Variants in RBFOX1 observed in about 807,000 individuals in gnomAD.
RBFOX1 encodes RNA binding fox-1 homolog 1.
Under a neutral mutation model 57.7 loss-of-function variants are expected in RBFOX1, and 8 were observed. The observed-to-expected ratio is 0.14, with a 90% CI of 0.08 to 0.25. The LOEUF (loss-of-function observed/expected upper bound fraction) is 0.25. Ranked by LOEUF, RBFOX1 falls within the 10% of genes least tolerant of loss-of-function variation. The pLI is 1.00. For missense variants in RBFOX1, 611 were observed against 548.5 expected, an observed-to-expected ratio of 1.11 and a Z score of -1.14; for synonymous variants, 326 against 222.4, an observed-to-expected ratio of 1.47 and a Z score of -4.15.
intron 4 of RBFOX1, among the ~76,000 whole-genome samples, chr16:7,488,946 ACTAT>A (rs1410217394): frequency 2.0e-5 from 3 of 152,164 alleles, no homozygotes; most frequent in African/African-American, 7.2e-5. Flanking sequence ...TCACATGTCC[ACTAT>A]CTATGTATAC....
chr16:5,902,386 G>C (rs1011882135), intron 4 of RBFOX1, among the ~76,000 whole-genome samples: 1 of 152,080 alleles, frequency 6.6e-6, no homozygotes, highest in Non-Finnish European at 1.5e-5. Flanking sequence ...TCTTTGAAGA[G>C]ATGTTCCTTA....
intron 3 of RBFOX1, among the ~76,000 whole-genome samples, chr16:5,629,164 G>C (rs2048430230): frequency 6.6e-6 from 1 of 152,162 alleles, no homozygotes; most frequent in South Asian, 2.1e-4. Flanking sequence ...AGAGTACAGG[G>C]CTGGATAAGC....
chr16:5,363,741 C>A (rs986426605), intron 1 of RBFOX1, among the ~76,000 whole-genome samples: 1 of 152,172 alleles, frequency 6.6e-6, no homozygotes, highest in African/African-American at 2.4e-5. Context: ...GGGTTGGGGA[C>A]TACGTGTCTG....
At chr16:6,681,016 A>G (rs1171666673) in intron 3 of RBFOX1, among the ~76,000 whole-genome samples, 1 of 152,240 alleles carries the variant, frequency 6.6e-6, no homozygotes, top group African/African-American at 2.4e-5. Flanking sequence ...CAAAGTAAGT[A>G]GAAATCTGTT....
chr16:6,299,297 C>T (rs2078513718), intron 1 of RBFOX1, among the ~76,000 whole-genome samples: 2 of 152,150 alleles, frequency 1.3e-5, no homozygotes, highest in South Asian at 2.1e-4. Context: ...ATGTGATAAC[C>T]ATGTTATTTA....
chr16:7,416,606 G>C (rs1475527897), intron 4 of RBFOX1, among the ~76,000 whole-genome samples: 1 of 152,168 alleles, frequency 6.6e-6, no homozygotes, highest in East Asian at 1.9e-4. Context: ...TTCATGGATA[G>C]TGCATATAGA....
At position 5,810,167 on chromosome 16, in the gene RBFOX1, G is replaced by A. The variant is rs139579943; in HGVS notation, c.319-57136G>A. 6.2e-3 allele frequency among the ~76,000 whole-genome samples: 886 copies of A among 143,602 alleles called. 10 individuals carry two copies. Among genetic ancestry groups the A allele is most frequent in the African/African-American group, 0.021 (813 of 39,570 alleles). 94.2% of individuals were successfully genotyped at this position (143,602 alleles called of 152,430 possible). On this transcript the variant is annotated intron_variant, in intron 3 of 19. Coordinates refer to the RBFOX1 transcript ENST00000641259. ...AGGAAGGGGAACATCACACTCTGGG[G>A]ACTGTTATAGGGTTGGGGGAGGAGG...
intron 2 of RBFOX1, among the ~76,000 whole-genome samples, chr16:6,318,345 G>T (rs995505898): frequency 6.6e-6 from 1 of 152,104 alleles, no homozygotes; most frequent in African/African-American, 2.4e-5. Flanking sequence ...TTGAAAACTG[G>T]GAGGTTTTGT....
intron 4 of RBFOX1, among the ~76,000 whole-genome samples, chr16:7,416,658 C>A (rs2098480790): frequency 6.6e-6 from 1 of 152,140 alleles, no homozygotes; most frequent in Admixed American, 6.5e-5. Flanking sequence ...CAGAGGACCC[C>A]AGTGGCAATG....
At chr16:7,631,033 A>G (rs2060864986) in intron 11 of RBFOX1, among the ~76,000 whole-genome samples, 1 of 152,206 alleles carries the variant, frequency 6.6e-6, no homozygotes, top group African/African-American at 2.4e-5. Flanking sequence ...GCCACCCCAA[A>G]GGCACCCTTG....
intron 4 of RBFOX1, among the ~76,000 whole-genome samples, chr16:7,479,200 T>C (rs145872497): frequency 0.019 from 2,915 of 150,836 alleles, 89 homozygotes; most frequent in African/African-American, 0.068. Flanking sequence ...CTCGGCTCAG[T>C]GCAACTTCTG....
rs1346043933 is a variant in RBFOX1 at position 5,946,311 on chromosome 16, C to G, written c.351+78976C>G. ...ACCTCCCTCATAGGGTTATTTGAGGCTCAGACTAAATGGATGTGAGTGTGT... is the reference window on the plus strand; with the variant it reads ...ACCTCCCTCATAGGGTTATTTGAGGGTCAGACTAAATGGATGTGAGTGTGT... On this transcript the variant is annotated intron_variant, in intron 4 of 19. Coordinates refer to the RBFOX1 transcript ENST00000641259. The surrounding 1 kb of genome is among the most constrained non-coding windows in gnomAD (Gnocchi z 4.6). Among the ~76,000 whole-genome samples the G allele has an allele frequency of 2.6e-5, 4 of 152,186 alleles. No individual in the cohort carries two copies.
intron 2 of RBFOX1, among the ~76,000 whole-genome samples, chr16:6,601,133 G>A (rs994834538): frequency 6.6e-6 from 1 of 152,188 alleles, no homozygotes; most frequent in African/African-American, 2.4e-5. Context: ...TAGTTGTAAA[G>A]CCTTTGGGCT....
chr16:5,633,179 CAG>C, intron 3 of RBFOX1, among the ~76,000 whole-genome samples: 2 of 151,974 alleles, frequency 1.3e-5, no homozygotes, highest in South Asian at 4.2e-4. Flanking sequence ...CCTCGTGATC[CAG>C]CTGCCTCGGC....
chr16:6,800,933 C>A (rs987898108), intron 3 of RBFOX1, among the ~76,000 whole-genome samples: 1 of 152,062 alleles, frequency 6.6e-6, no homozygotes, highest in Non-Finnish European at 1.5e-5. Flanking sequence ...ATCCGTCTTG[C>A]CCCTGTTTGA....
At chr16:7,201,452 C>CTTTTTTTTTTTTTTTTTTTTTTT (rs71147669) in intron 4 of RBFOX1, among the ~76,000 whole-genome samples, 1 of 146,050 alleles carries the variant, frequency 6.8e-6, no homozygotes. Context: ...CGATCTGATT[C>CTTTTTTTTTTTTTTTTTTTTTTT]TTTTTTTTTT....
chr16:5,945,550 A>G (rs2059384518), intron 4 of RBFOX1, among the ~76,000 whole-genome samples: 1 of 152,162 alleles, frequency 6.6e-6, no homozygotes, highest in African/African-American at 2.4e-5. Flanking sequence ...TCTGAAACGG[A>G]TATTGTTATG....
At chr16:6,177,828 G>A (rs2097025064) in intron 1 of RBFOX1, among the ~76,000 whole-genome samples, 1 of 151,532 alleles carries the variant, frequency 6.6e-6, no homozygotes, top group Admixed American at 6.6e-5. Context: ...TGATTGTGCG[G>A]CTCCAGTTGC....
At chr16:7,496,127 T>C (rs557641263) in intron 4 of RBFOX1, among the ~76,000 whole-genome samples, 1 of 152,188 alleles carries the variant, frequency 6.6e-6, no homozygotes, top group East Asian at 1.9e-4. Flanking sequence ...GGGCATCAGT[T>C]TCCTCACCTT....
Sources: gnomAD v4.1 joint callset for allele counts (sites outside exome capture counted in the v4.1 genomes callset) on GRCh38, gnomAD v4.1.1 for gene constraint, Gnocchi (gnomAD v3.1) non-coding constraint, MANE v1.5 for transcripts, NCBI Gene and HGNC (gene_info 2026-07-23, HGNC 2026-07-21) for gene names.